The following PALMD variants were observed in gnomAD, a reference collection of about 807,000 sequenced individuals.
PALMD encodes palmdelphin, also known as paralemmin-like protein.
PALMD carries 42 observed loss-of-function variants against 56.2 expected under a neutral mutation model. The observed-to-expected ratio is 0.75, with a 90% CI of 0.58 to 0.97. The LOEUF (loss-of-function observed/expected upper bound fraction) is 0.97. PALMD is among the 50% of genes least tolerant of loss of function. The pLI is 0.00. For missense variants in PALMD, 660 were observed against 643.8 expected, an observed-to-expected ratio of 1.03 and a Z score of -0.27; for synonymous variants, 242 against 222.9, an observed-to-expected ratio of 1.09 and a Z score of -0.76.
intron 3 of PALMD, among the ~76,000 whole-genome samples, chr1:99,682,299 T>A (rs1053572780): frequency 9.7e-4 from 147 of 152,322 alleles, no homozygotes; most frequent in African/African-American, 3.3e-3. Context: ...TCTAAGTAAT[T>A]AGTACCAAGA....
chr1:99,683,054 A>AAGAAAG lies in PALMD; in HGVS notation c.252-3619_252-3618insAAGAGA, dbSNP rs1653392876. Among the ~76,000 whole-genome samples, 11 of 26,310 alleles carry AAGAAAG rather than the reference A, an allele frequency of 4.2e-4. 2 individuals carry two copies. Among genetic ancestry groups the AAGAAAG allele is most frequent in the South Asian group, 2.8e-3 (2 of 706 alleles). 17.3% of individuals were successfully genotyped at this position (26,310 alleles called of 152,430 possible). A position where few individuals can be genotyped will look rare whatever the true frequency, so the allele number is the denominator to read the frequency against. ...AAAGAAAGAAAGAAAGAAAGAAAGA[A>AAGAAAG]AGAGAGAGAGAGAGAGAGAGAGAGA... On this transcript the variant is annotated intron_variant, in intron 3 of 7. Coordinates refer to ENST00000263174, the MANE Select transcript of PALMD (RefSeq NM_017734.5).
At position 99,646,353 on chromosome 1, in the gene PALMD, G is replaced by A; in HGVS notation, c.36G>A (p.Gln12=). The A allele has an allele frequency of 6.2e-7, 1 of 1,612,064 alleles. No homozygotes were observed. The highest frequency in any genetic ancestry group is 2.2e-5 in the East Asian group (1 of 44,852). Reference sequence around the variant, plus strand: ...CTGAGCTGGTGAAGGGAAGACTCCAGGCCATCACAGTAAGTCTGCATACAG... The same window carrying A: ...CTGAGCTGGTGAAGGGAAGACTCCAAGCCATCACAGTAAGTCTGCATACAG... ...EEAELVKGRL[Q]AITDKRKIQE... Residue 12 remains glutamine (Q), a synonymous_variant, in exon 1 of 8, where the codon CAG becomes CAA. Transcript: ENST00000263174.
chr1:99,682,462 T>A (rs1204856571), intron 3 of PALMD, among the ~76,000 whole-genome samples: 1 of 152,202 alleles, frequency 6.6e-6, no homozygotes, highest in Non-Finnish European at 1.5e-5. Flanking sequence ...ATCCAGTGAC[T>A]TGAAAACCTT....
At position 99,646,358 on chromosome 1, in the gene PALMD, T is replaced by C. The variant is rs1652444423; in HGVS notation, c.41T>C (p.Ile14Thr). Residue 14 changes from isoleucine (I) to threonine (T), a missense_variant, in exon 1 of 8, where the codon ATC (isoleucine) becomes ACC (threonine). Physicochemically the swap from Ile to Thr is moderately conservative, Grantham distance 89. Coordinates refer to ENST00000263174, the MANE Select transcript of PALMD (RefSeq NM_017734.5). ...CTGGTGAAGGGAAGACTCCAGGCCA[T>C]CACAGTAAGTCTGCATACAGTTATA... ...AELVKGRLQAITDKRKIQEEI... is the reference protein window; with the variant it reads ...AELVKGRLQATTDKRKIQEEI... The C allele has an allele frequency of 6.2e-7, 1 of 1,610,710 alleles. No homozygotes were observed. The highest frequency in any genetic ancestry group is 8.5e-7 in the Non-Finnish European group (1 of 1,176,892).
In PALMD at chr1:99,689,611, G is replaced by C. The variant is rs755072168; in HGVS notation, c.1351G>C (p.Glu451Gln). ...HAELVVIDDE[E>Q]EEDEGEAEKP... The stretch of plus-strand genomic sequence containing the variant: ...TGAGCTGGTTGTGATTGATGATGAG[G>C]AGGAGGAGGATGAAGGAGAAGCAGA... Residue 451 changes from glutamate (E) to glutamine (Q), a missense_variant, in exon 7 of 8, where the codon GAG (glutamate) becomes CAG (glutamine). Coordinates refer to ENST00000263174, the MANE Select transcript of PALMD (RefSeq NM_017734.5). 6.2e-7 allele frequency: 1 copy of C among 1,613,734 alleles called. No individual in the cohort carries two copies. Among genetic ancestry groups the C allele is most frequent in the African/African-American group, 1.3e-5 (1 of 74,880 alleles).
At chr1:99,662,926 A>G (rs1321477916) in intron 2 of PALMD, among the ~76,000 whole-genome samples, 5 of 152,098 alleles carry the variant, frequency 3.3e-5, no homozygotes, top group East Asian at 1.9e-4. Flanking sequence ...ATAACTTTCC[A>G]TGTTTAAAAT....
chr1:99,654,363 A>T (rs1369138114), intron 1 of PALMD, among the ~76,000 whole-genome samples: 2 of 152,152 alleles, frequency 1.3e-5, no homozygotes, highest in African/African-American at 2.4e-5. Flanking sequence ...GTTAAAATTT[A>T]AAAATAATAC....
intron 1 of PALMD, among the ~76,000 whole-genome samples, chr1:99,658,824 T>A (rs1188971369): frequency 6.6e-6 from 1 of 151,806 alleles, no homozygotes; most frequent in African/African-American, 2.4e-5. Context: ...CATGCATCTG[T>A]AGTCCCAGCT....
intron 3 of PALMD, chr1:99,684,439 G>A (rs1653441686): frequency 6.6e-6 from 1 of 152,148 alleles, no homozygotes; most frequent in Non-Finnish European, 1.5e-5. Flanking sequence ...AAGATCCCCA[G>A]CACATAGAAG....
rs137971402 is a variant in PALMD, at chr1:99,694,523, ATCC to A, written c.*466_*468del. The stretch of plus-strand genomic sequence containing the variant: ...ATTAATAATGCCTTAATAAAAGTAC[ATCC>A]TCCTGCTAACTATCACTTCAGTTGG... On this transcript the variant is annotated 3_prime_UTR_variant, in exon 8 of 8. Transcript: ENST00000263174. The A allele has an allele frequency of 0.025, 3,968 of 156,472 alleles. 166 individuals are homozygous for A. The highest frequency in any genetic ancestry group is 0.09 in the African/African-American group (3,754 of 41,582). The allele number at this position is 156,472 out of a possible 1,614,324, so 9.7% of individuals were successfully genotyped here.
chr1:99,657,122 A>G (rs1652744001), intron 1 of PALMD, among the ~76,000 whole-genome samples: 1 of 152,160 alleles, frequency 6.6e-6, no homozygotes, highest in Admixed American at 6.5e-5. Context: ...TTCATAAAAA[A>G]TGTCTCTCAT....
intron 6 of PALMD, among the ~76,000 whole-genome samples, chr1:99,687,776 A>T (rs1653541398): frequency 1.3e-5 from 2 of 152,334 alleles, no homozygotes; most frequent in South Asian, 4.1e-4. Context: ...GGCACATAGT[A>T]GGTATTCACT....
At chr1:99,660,264 CA>C (rs1652819003) in intron 1 of PALMD, among the ~76,000 whole-genome samples, 2 of 152,180 alleles carry the variant, frequency 1.3e-5, no homozygotes, top group Non-Finnish European at 1.5e-5. Flanking sequence ...CTTTCCACTC[CA>C]GGGAATGGCA....
chr1:99,652,800 C>T (rs1180564152), intron 1 of PALMD, among the ~76,000 whole-genome samples: 1 of 151,932 alleles, frequency 6.6e-6, no homozygotes, highest in South Asian at 2.1e-4. Context: ...GACGTGGAGC[C>T]AAGAGAAGAA....
chr1:99,660,795 A>C (rs1056304111), intron 1 of PALMD, among the ~76,000 whole-genome samples: 4 of 152,212 alleles, frequency 2.6e-5, no homozygotes, highest in African/African-American at 7.2e-5. Flanking sequence ...CTAAGGCAGG[A>C]GGATTGTTTG....
At chr1:99,667,819 A>G (rs1653000840) in intron 3 of PALMD, 53 bp downstream of exon 3, 2 of 1,496,298 alleles carry the variant, frequency 1.3e-6, no homozygotes, top group Non-Finnish European at 1.9e-6. Flanking sequence ...ACTTTATCCC[A>G]TGTTGTGCAT....
chr1:99,658,185 C>T (rs1000458349), intron 1 of PALMD, among the ~76,000 whole-genome samples: 2 of 151,150 alleles, frequency 1.3e-5, no homozygotes, highest in South Asian at 2.1e-4. Flanking sequence ...ATGCCTGTAA[C>T]CTCATCTACT....
chr1:99,672,522 GC>G (rs890337609), intron 3 of PALMD, among the ~76,000 whole-genome samples: 1 of 152,088 alleles, frequency 6.6e-6, no homozygotes, highest in African/African-American at 2.4e-5. Flanking sequence ...CTATCCAATA[GC>G]CCACACCCAA....
At position 99,688,900 on chromosome 1, in the gene PALMD, C is replaced by T; in HGVS notation, c.640C>T (p.Gln214Ter). 6.2e-7 allele frequency: 1 copy of T among 1,613,570 alleles called. No homozygotes were observed. Among genetic ancestry groups the T allele is most frequent in the Non-Finnish European group, 8.5e-7 (1 of 1,179,682 alleles). ...AGGAATAAAAGTTTATGATGATGGG[C>T]AAAAGTCAGTGTATGCAGTAAGTTC... ...GTGIKVYDDG[Q>*]KSVYAVSSNH... Residue 214 changes from glutamine to a stop codon, truncating the protein, a stop_gained, in exon 7 of 8, where the codon CAA becomes TAA. Coordinates refer to ENST00000263174, the MANE Select transcript of PALMD (RefSeq NM_017734.5). LOFTEE classifies it high-confidence loss of function.
Sources: gnomAD v4.1 joint callset for allele counts (sites outside exome capture counted in the v4.1 genomes callset) on GRCh38, gnomAD v4.1.1 for gene constraint, MANE v1.5 for transcripts, NCBI Gene and HGNC (gene_info 2026-07-23, HGNC 2026-07-21) for gene names.